Variants in OSBPL10 observed in about 807,000 individuals in gnomAD.
OSBPL10 encodes the protein oxysterol binding protein like 10.
A neutral mutation model predicts 81.7 loss-of-function variants in OSBPL10; 49 were observed. The observed-to-expected ratio is 0.60, with a 90% confidence interval of 0.48 to 0.76. The LOEUF (loss-of-function observed/expected upper bound fraction) is 0.76. Among genes scored for constraint, OSBPL10 ranks in the 30% least tolerant of loss-of-function variants. The pLI, the probability that OSBPL10 is intolerant of heterozygous loss-of-function variation, is 0.00. For synonymous variants in OSBPL10, 419 were observed against 383.6 expected (o/e 1.09, Z -1.08); for missense variants, 923 against 987.8 (o/e 0.93, Z 0.88).
At chr3:31,732,675 CAG>C (rs1279885525) in intron 6 of OSBPL10, 4 of 152,462 alleles carry the variant, frequency 2.6e-5, no homozygotes, top group Admixed American at 2.6e-4. Flanking sequence ...GGGCAGATGA[CAG>C]AGAGTCCATG....
At chr3:32,048,507 A>G (rs1559554910) in intron 1 of OSBPL10, among the ~76,000 whole-genome samples, 2 of 151,918 alleles carry the variant, frequency 1.3e-5, no homozygotes, top group South Asian at 4.2e-4. Context: ...GGGTTTCACC[A>G]TGTTGGTCAG....
intron 1 of OSBPL10, among the ~76,000 whole-genome samples, chr3:31,890,375 T>C (rs759636509): frequency 3.9e-5 from 6 of 151,950 alleles, no homozygotes; most frequent in African/African-American, 7.3e-5. Flanking sequence ...TTTGTCACTC[T>C]GGAAGTGTTT....
chr3:31,675,944 T>TC (rs1553612607), intron 8 of OSBPL10, among the ~76,000 whole-genome samples: 1 of 79,000 alleles, frequency 1.3e-5, no homozygotes, highest in Non-Finnish European at 2.1e-5. Flanking sequence ...AGACTCCATC[T>TC]CAAAAAAAAA....
chr3:31,956,563 A>G (rs1698012952), intron 1 of OSBPL10, among the ~76,000 whole-genome samples: 1 of 152,086 alleles, frequency 6.6e-6, no homozygotes, highest in African/African-American at 2.4e-5. Flanking sequence ...TACTAAAAAT[A>G]CAAAACAAAA....
chr3:31,707,620 G>A (rs1372700531), intron 6 of OSBPL10, among the ~76,000 whole-genome samples: 1 of 152,120 alleles, frequency 6.6e-6, no homozygotes, highest in African/African-American at 2.4e-5. Flanking sequence ...CAAAAAAAAT[G>A]GGTAGTCTGA....
intron 2 of OSBPL10, among the ~76,000 whole-genome samples, chr3:32,045,657 G>T (rs967122672): frequency 1.3e-5 from 2 of 152,162 alleles, no homozygotes; most frequent in Admixed American, 6.5e-5. Context: ...GCCTCTCAAG[G>T]CTTCCCACAT....
At chr3:31,805,057 G>C (rs1699488502) in intron 4 of OSBPL10, among the ~76,000 whole-genome samples, 1 of 152,140 alleles carries the variant, frequency 6.6e-6, no homozygotes, top group Non-Finnish European at 1.5e-5. Context: ...AAGGTGCTCA[G>C]GGTCTGATGT....
chr3:31,662,424 G>T, intron 11 of OSBPL10: 2 of 1,111,498 alleles, frequency 1.8e-6, no homozygotes, highest in Non-Finnish European at 2.2e-6. Flanking sequence ...AGTGGGACAA[G>T]AGAAAAGGAG....
chr3:31,722,132 C>A (rs925484208), intron 6 of OSBPL10, among the ~76,000 whole-genome samples: 2 of 152,162 alleles, frequency 1.3e-5, no homozygotes, highest in Non-Finnish European at 2.9e-5. Flanking sequence ...CCTCAAAATA[C>A]CCTTGAGACT....
chr3:32,023,514 G>A (rs1699376271), intron 2 of OSBPL10, among the ~76,000 whole-genome samples: 1 of 152,094 alleles, frequency 6.6e-6, no homozygotes, highest in Non-Finnish European at 1.5e-5. Flanking sequence ...CAGCTAGATA[G>A]GTGCCCAGAA....
intron 2 of OSBPL10, among the ~76,000 whole-genome samples, chr3:32,011,385 C>A (rs1284680942): frequency 6.6e-6 from 1 of 152,228 alleles, no homozygotes; most frequent in Non-Finnish European, 1.5e-5. Context: ...AGGGTCCTGA[C>A]TGTTAGAAGG....
chr3:31,680,295 G>A (rs1003353143), intron 8 of OSBPL10, among the ~76,000 whole-genome samples: 5 of 151,946 alleles, frequency 3.3e-5, no homozygotes, highest in African/African-American at 4.8e-5. Flanking sequence ...CCCCTTCCCC[G>A]GCCCACCGCC....
chr3:31,874,995 A>G lies in OSBPL10; in HGVS notation c.537+1438T>C, dbSNP rs939479874. 4.6e-5 allele frequency among the ~76,000 whole-genome samples: 7 copies of G among 151,406 alleles called. 1 individual carries two copies. The East Asian group carries it at 9.7e-4, about 21-fold the overall frequency. ...AGACTTAAATAAAGCACTGACATCC[A>G]TTCCCAAAAACACCATCTGGCCAAC... On this transcript the variant is annotated intron_variant, in intron 3 of 11. Coordinates refer to ENST00000396556, the MANE Select transcript of OSBPL10 (RefSeq NM_017784.5).
intron 3 of OSBPL10, among the ~76,000 whole-genome samples, chr3:31,849,222 A>G (rs1421720472): frequency 6.6e-6 from 1 of 152,230 alleles, no homozygotes; most frequent in Non-Finnish European, 1.5e-5. Context: ...GAGCCTGCCC[A>G]GATAAGAAGA....
chr3:31,797,327 T>A (rs1699253786), intron 4 of OSBPL10, among the ~76,000 whole-genome samples: 1 of 151,844 alleles, frequency 6.6e-6, no homozygotes, highest in African/African-American at 2.4e-5. Flanking sequence ...AAACTCAAGT[T>A]GAGTATTCAA....
chr3:31,817,111 TCCATGGGTGG>T (rs1296871717), intron 4 of OSBPL10, among the ~76,000 whole-genome samples: 1 of 152,122 alleles, frequency 6.6e-6, no homozygotes, highest in Non-Finnish European at 1.5e-5. Flanking sequence ...TGCCAACTGG[TCCATGGGTGG>T]CCATGGGCAG....
chr3:31,733,992 A>G (rs954823969), intron 5 of OSBPL10, among the ~76,000 whole-genome samples: 1 of 151,738 alleles, frequency 6.6e-6, no homozygotes, highest in African/African-American at 2.4e-5. Flanking sequence ...CCTGGGCGAC[A>G]GAGCAAGACT....
chr3:31,858,034 T>C (rs1353290288), intron 3 of OSBPL10, among the ~76,000 whole-genome samples: 3 of 151,070 alleles, frequency 2.0e-5, no homozygotes, highest in East Asian at 1.9e-4. Context: ...CTCGTTCTAT[T>C]GCCCAGACTG....
chr3:31,941,008 G>A (rs957875515), intron 1 of OSBPL10, among the ~76,000 whole-genome samples: 13 of 152,118 alleles, frequency 8.5e-5, no homozygotes, highest in Non-Finnish European at 1.6e-4. Context: ...CCTGAGCACA[G>A]GGTCTCCAAG....
Sources: gnomAD v4.1 joint callset for allele counts (sites outside exome capture counted in the v4.1 genomes callset) on GRCh38, gnomAD v4.1.1 for gene constraint, MANE v1.5 for transcripts, NCBI Gene and HGNC (gene_info 2026-07-23, HGNC 2026-07-21) for gene names.